Variants in ADAM21 observed in about 807,000 individuals in gnomAD.
ADAM21 encodes the protein disintegrin and metalloproteinase domain-containing protein 21.
For missense variants in ADAM21, 678 were observed against 874.4 expected (o/e 0.78, Z 2.83); for synonymous variants, 262 against 306.0 (o/e 0.86, Z 1.50).
Position 70,459,106 on chromosome 14 carries a change from A to G in ADAM21, c.1607A>G (p.Gln536Arg). The change falls in exon 2 of 2, where the codon CAG (glutamine) becomes CGG (arginine). Residue 536 changes from glutamine (Q) to arginine (R), a missense_variant. By Grantham distance (43) the Gln-to-Arg change is conservative. Coordinates refer to ENST00000603540, the MANE Select transcript of ADAM21 (RefSeq NM_003813.4). ...AATTGCTATAAAGAAATCAATTCTC[A>G]GGGAAACCGTTTTGGTCACTGTGGT... ...SQNCYKEINS[Q>R]GNRFGHCGIN... is the part of the protein sequence containing the mutation. 1 of 1,611,474 alleles carries G rather than the reference A, an allele frequency of 6.2e-7. No individual in the cohort carries two copies. The highest frequency in any genetic ancestry group is 8.5e-7 in the Non-Finnish European group (1 of 1,178,534).
chr14:70,456,982 G>A (rs188888418), intron 1 of ADAM21, among the ~76,000 whole-genome samples: 2 of 152,168 alleles, frequency 1.3e-5, no homozygotes, highest in Non-Finnish European at 2.9e-5. Context: ...ATAGTCAAAG[G>A]AGACACTATC....
rs200757802 is a variant in ADAM21 at position 70,453,107 on chromosome 14, TAC to T, written c.-152+851_-152+852del. Among the ~76,000 whole-genome samples the T allele has an allele frequency of 4.2e-3, 642 of 152,260 alleles. 2 individuals carry two copies. Among genetic ancestry groups the T allele is most frequent in the Middle Eastern group, 0.01 (3 of 294 alleles). On this transcript the variant is annotated intron_variant, in intron 1 of 1. Coordinates refer to ENST00000603540, the MANE Select transcript of ADAM21 (RefSeq NM_003813.4). ...ACTTTATATTATGACATTGTGGCTTTACACACACTTACACCCCACATATTTGG... is the reference window on the plus strand; with the variant it reads ...ACTTTATATTATGACATTGTGGCTTTACACACTTACACCCCACATATTTGG...
rs1350807208 is a variant in ADAM21, at chr14:70,458,711, T to C, written c.1212T>C (p.Phe404=). 1 of 1,614,074 alleles carries C rather than the reference T, an allele frequency of 6.2e-7. No individual in the cohort carries two copies. Among genetic ancestry groups the C allele is most frequent in the Admixed American group, 1.7e-5 (1 of 60,018 alleles). Residue 404 remains phenylalanine, a synonymous_variant, in exon 2 of 2, where the codon TTT becomes TTC. Coordinates refer to ENST00000603540, the MANE Select transcript of ADAM21 (RefSeq NM_003813.4). ...ATCCTCCAAGATTGGGGGAAATCTT[T>C]ATGCTAAAGCGCTGTGGGAATGGTG... ...LHNPPRLGEI[F]MLKRCGNGVV... is the part of the protein sequence containing the mutation.
intron 1 of ADAM21, chr14:70,453,521 G>A (rs1269244410): frequency 6.6e-6 from 1 of 152,164 alleles, no homozygotes; most frequent in African/African-American, 2.4e-5. Context: ...TAGGAATGAA[G>A]ACAATGAGTC....
intron 1 of ADAM21, among the ~76,000 whole-genome samples, chr14:70,453,952 C>T (rs1196740870): frequency 6.6e-6 from 1 of 152,176 alleles, no homozygotes; most frequent in Non-Finnish European, 1.5e-5. Context: ...CAAGTTTTCC[C>T]CATCTTCCAG....
At position 70,459,518 on chromosome 14, in the gene ADAM21, T is replaced by C. The variant is rs771528816; in HGVS notation, c.2019T>C (p.Ser673=). 1 of 1,614,210 alleles carries C rather than the reference T, an allele frequency of 6.2e-7. No individual in the cohort carries two copies. The highest frequency in any genetic ancestry group is 8.5e-7 in the Non-Finnish European group (1 of 1,180,016). ...GAGGCTATGGGGGCAGTATTGACAG[T>C]GGCCCAGCATCTGCAAAGAGAGGAG... ...QHRGYGGSID[S]GPASAKRGVF... Residue 673 remains serine (S), a synonymous_variant, in exon 2 of 2, where the codon AGT becomes AGC. Transcript: ENST00000603540.
chr14:70,453,096 CATT>C (rs1245080852), intron 1 of ADAM21, among the ~76,000 whole-genome samples: 1 of 151,786 alleles, frequency 6.6e-6, no homozygotes, highest in Non-Finnish European at 1.5e-5. Flanking sequence ...TATATTATGA[CATT>C]GTGGCTTTAC....
At position 70,458,046 on chromosome 14, in the gene ADAM21, C is replaced by A. The variant is rs1198477627; in HGVS notation, c.547C>A (p.Gln183Lys). 4.9e-5 allele frequency: 79 copies of A among 1,613,872 alleles called. No individual in the cohort carries two copies. Among genetic ancestry groups the A allele is most frequent in the Admixed American group, 1.5e-4 (9 of 59,992 alleles). The change falls in exon 2 of 2, where the codon CAA becomes AAA. Residue 183 changes from glutamine to lysine, a missense_variant. By Grantham distance (53) the Gln-to-Lys change is moderately conservative (BLOSUM62 1). Transcript: ENST00000603540. ...CGLTEKEVARQQLEFEEAENS... is the reference protein window; with the variant it reads ...CGLTEKEVARKQLEFEEAENS... ...CTTAACAGAGAAGGAAGTAGCACGC[C>A]AACAGTTGGAATTTGAAGAGGCTGA... is the stretch of plus-strand genomic sequence containing the variant.
At position 70,458,085 on chromosome 14, in the gene ADAM21, G is replaced by A; in HGVS notation, c.586G>A (p.Glu196Lys). Residue 196 changes from glutamate (E) to lysine (K), a missense_variant, in exon 2 of 2, where the codon GAA (glutamate) becomes AAA (lysine). Transcript: ENST00000603540. ...TGAAGAGGCTGAGAACTCAGCTCTG[G>A]AACCAAAATCTGCTGGTGACTGGTG... Reference protein sequence around the residue: ...EFEEAENSALEPKSAGDWWTH... With the variant: ...EFEEAENSALKPKSAGDWWTH... 1 of 1,614,058 alleles carries A rather than the reference G, an allele frequency of 6.2e-7. No individual in the cohort carries two copies. The highest frequency in any genetic ancestry group is 8.5e-7 in the Non-Finnish European group (1 of 1,180,020).
Position 70,458,960 on chromosome 14 carries a change from T to A in ADAM21, c.1461T>A (p.Asp487Glu). Residue 487 changes from aspartate to glutamate, a missense_variant, in exon 2 of 2, where the codon GAT becomes GAA. Coordinates refer to ENST00000603540, the MANE Select transcript of ADAM21 (RefSeq NM_003813.4). ...GAACATCTCATCAGTGTCCAGAAGA[T>A]AGATATGTGCAGGACGGGATCCCCT... is the stretch of plus-strand genomic sequence containing the variant. ...CNGTSHQCPE[D>E]RYVQDGIPCS... 6.2e-7 allele frequency: 1 copy of A among 1,614,136 alleles called. No individual in the cohort carries two copies. The highest frequency in any genetic ancestry group is 8.5e-7 in the Non-Finnish European group (1 of 1,180,018).
In ADAM21 at chr14:70,459,754, C is replaced by G. The variant is rs1882498576; in HGVS notation, c.*86C>G. On this transcript the variant is annotated 3_prime_UTR_variant, in exon 2 of 2. Transcript: ENST00000603540. Reference sequence around the variant, plus strand: ...ACATTAGTACATCCCTGAAACTGAGCACATTTCTGACCATTTCCAGAAAGC... The same window carrying G: ...ACATTAGTACATCCCTGAAACTGAGGACATTTCTGACCATTTCCAGAAAGC... 2 of 1,477,600 alleles carry G rather than the reference C, an allele frequency of 1.4e-6. No homozygotes were observed. The highest frequency in any genetic ancestry group is 1.8e-6 in the Non-Finnish European group (2 of 1,094,560). The allele number at this position is 1,477,600 out of a possible 1,614,324, so 91.5% of individuals were successfully genotyped here.
intron 1 of ADAM21, among the ~76,000 whole-genome samples, chr14:70,455,147 G>A (rs1221272810): frequency 6.6e-6 from 1 of 152,194 alleles, no homozygotes; most frequent in Non-Finnish European, 1.5e-5. Context: ...GAAGACTCCA[G>A]AAAGCACAAG....
At chr14:70,452,491 G>C (rs1889050600) in intron 1 of ADAM21, among the ~76,000 whole-genome samples, 1 of 152,094 alleles carries the variant, frequency 6.6e-6, no homozygotes, top group Admixed American at 6.5e-5. Flanking sequence ...TCAGCCTCCT[G>C]AGTAGCTGGG....
At chr14:70,452,654 C>T (rs892042209) in intron 1 of ADAM21, among the ~76,000 whole-genome samples, 6 of 152,218 alleles carry the variant, frequency 3.9e-5, no homozygotes, top group African/African-American at 1.4e-4. Flanking sequence ...GCGTGAGCCA[C>T]CGCGCCCGGC....
In ADAM21 at chr14:70,459,393, CAT is replaced by C; in HGVS notation, c.1895_1896del (p.His632ArgfsTer5). ...GTGTGTCAGTCTGTCTGTCTTGTCA[CAT>C]GTCTGCCTTCCTGAGACCTGCAATA... ...KKCVSLSVLS[H>X]VCLPETCNMK... On this transcript the variant is annotated frameshift_variant, in exon 2 of 2. Coordinates refer to ENST00000603540, the MANE Select transcript of ADAM21 (RefSeq NM_003813.4). LOFTEE classifies it low-confidence loss of function (END_TRUNC). 6.2e-7 allele frequency: 1 copy of C among 1,614,250 alleles called. No individual in the cohort carries two copies. The highest frequency in any genetic ancestry group is 8.5e-7 in the Non-Finnish European group (1 of 1,180,040).
At position 70,459,115 on chromosome 14, in the gene ADAM21, G is replaced by A. The variant is rs369445961; in HGVS notation, c.1616G>A (p.Arg539His). ...AAAGAAATCAATTCTCAGGGAAACC[G>A]TTTTGGTCACTGTGGTATAAATGGC... ...CYKEINSQGN[R>H]FGHCGINGTT... is the part of the protein sequence containing the mutation. The change falls in exon 2 of 2, where the codon CGT becomes CAT. Residue 539 changes from arginine (R) to histidine (H), a missense_variant. By Grantham distance (29) the Arg-to-His change is conservative (BLOSUM62 0). Transcript: ENST00000603540. The A allele has an allele frequency of 3.7e-5, 59 of 1,611,840 alleles. No homozygotes were observed. In the Admixed American group the frequency reaches 5.8e-4, roughly 16 times the overall value.
rs767652252 is a variant in ADAM21, at chr14:70,458,771, C to T, written c.1272C>T (p.Ser424=). ...VEREEQCDCG[S]VQQCEQDACC... Reference sequence around the variant, plus strand: ...GAGAAGAGCAGTGTGACTGTGGATCCGTACAGCAGTGTGAACAAGACGCCT... The same window carrying T: ...GAGAAGAGCAGTGTGACTGTGGATCTGTACAGCAGTGTGAACAAGACGCCT... The change falls in exon 2 of 2, where the codon TCC becomes TCT. Residue 424 remains serine (S), a synonymous_variant. Transcript: ENST00000603540. 2.9e-5 allele frequency: 47 copies of T among 1,614,114 alleles called. No homozygotes were observed. The highest frequency in any genetic ancestry group is 8.8e-5 in the South Asian group (8 of 91,074).
rs553454644 is a variant in ADAM21 at position 70,458,804 on chromosome 14, G to A, written c.1305G>A (p.Leu435=). Residue 435 remains leucine, a synonymous_variant, in exon 2 of 2, where the codon CTG becomes CTA. Coordinates refer to ENST00000603540, the MANE Select transcript of ADAM21 (RefSeq NM_003813.4). The part of the protein sequence containing the change: ...VQQCEQDACC[L]LNCTLRPGAA... Reference sequence around the variant, plus strand: ...AGTGTGAACAAGACGCCTGTTGTCTGTTGAACTGCACTCTAAGGCCTGGGG... The same window carrying A: ...AGTGTGAACAAGACGCCTGTTGTCTATTGAACTGCACTCTAAGGCCTGGGG... The A allele has an allele frequency of 5.9e-5, 95 of 1,614,064 alleles. 2 individuals are homozygous for A. Among genetic ancestry groups the A allele is most frequent in the East Asian group, 2.7e-4 (12 of 44,884 alleles).
intron 1 of ADAM21, among the ~76,000 whole-genome samples, chr14:70,454,425 C>T (rs140071920): frequency 1.3e-3 from 204 of 152,108 alleles, no homozygotes; most frequent in African/African-American, 4.2e-3. Flanking sequence ...ACATTTAGGA[C>T]TCTCTAGAGT....
Sources: allele counts gnomAD v4.1 joint callset (sites outside exome capture counted in the v4.1 genomes callset), GRCh38; gene constraint gnomAD v4.1.1; transcripts MANE v1.5; gene names NCBI Gene and HGNC (gene_info 2026-07-23, HGNC 2026-07-21).